NEIL3: variants seen among roughly 807,000 people sequenced by gnomAD.
NEIL3 encodes endonuclease 8-like 3.
Under a neutral mutation model 57.5 loss-of-function variants are expected in NEIL3, and 48 were observed. The observed-to-expected ratio is 0.83, with a 90% CI of 0.66 to 1.06. The LOEUF is 1.06. Ranked by LOEUF, NEIL3 falls within the 50% of genes least tolerant of loss-of-function variation. The pLI is 0.00. For synonymous variants in NEIL3, 261 were observed against 253.2 expected (o/e 1.03, Z -0.29); for missense variants, 717 against 739.1 (o/e 0.97, Z 0.35).
rs147768614 is a variant in NEIL3 at position 177,352,022 on chromosome 4, G to A, written c.1039+473G>A. 7.9e-5 allele frequency among the ~76,000 whole-genome samples: 12 copies of A among 152,228 alleles called. No homozygotes were observed. In the East Asian group the frequency reaches 2.1e-3, roughly 27 times the overall value. On this transcript the variant is annotated intron_variant, in intron 7 of 9. Transcript: ENST00000264596. The stretch of plus-strand genomic sequence containing the variant: ...TATTAAAATCTGTATCCAGACAATT[G>A]TACTGATTTCATTGAAACCCTTCAA...
chr4:177,354,936 GT>G (rs200179047), intron 8 of NEIL3, among the ~76,000 whole-genome samples: 4,164 of 152,268 alleles, frequency 0.027, 171 homozygotes, highest in African/African-American at 0.093. Flanking sequence ...TTTGTCACCT[GT>G]GATACAGAAA....
intron 1 of NEIL3, among the ~76,000 whole-genome samples, chr4:177,312,919 T>C (rs1734503619): frequency 6.6e-6 from 1 of 152,198 alleles, no homozygotes; most frequent in Non-Finnish European, 1.5e-5. Context: ...TTTTGCATTT[T>C]AGAGGGATCC....
intron 2 of NEIL3, among the ~76,000 whole-genome samples, chr4:177,334,906 A>G (rs889380626): frequency 6.6e-6 from 1 of 152,206 alleles, no homozygotes; most frequent in African/African-American, 2.4e-5. Flanking sequence ...GTCTTACAGA[A>G]CTACTTTTTT....
intron 2 of NEIL3, among the ~76,000 whole-genome samples, chr4:177,325,797 C>G (rs542065854): frequency 6.6e-6 from 1 of 152,152 alleles, no homozygotes; most frequent in African/African-American, 2.4e-5. Flanking sequence ...TTTCTTCTCC[C>G]TACTAACTAA....
chr4:177,325,602 G>A (rs1314268322), intron 2 of NEIL3, among the ~76,000 whole-genome samples: 1 of 152,008 alleles, frequency 6.6e-6, no homozygotes, highest in African/African-American at 2.4e-5. Context: ...CATTTGGTAA[G>A]CATATGTTTG....
intron 8 of NEIL3, among the ~76,000 whole-genome samples, chr4:177,358,318 G>GTT (rs201169217): frequency 1.3e-5 from 2 of 151,602 alleles, no homozygotes; most frequent in South Asian, 2.1e-4. Context: ...TTTGTTTTTT[G>GTT]TTTTTTTTGA....
At position 177,351,388 on chromosome 4, in the gene NEIL3, C is replaced by T. The variant is rs755292797; in HGVS notation, c.878C>T (p.Pro293Leu). The T allele has an allele frequency of 4.2e-5, 67 of 1,604,432 alleles. No homozygotes were observed. Among genetic ancestry groups the T allele is most frequent in the Admixed American group, 2.9e-4 (17 of 58,134 alleles). Reference protein sequence around the residue: ...NPQHVDICKLPTRNTIISWTS... With the variant: ...NPQHVDICKLLTRNTIISWTS... ...TAAAAATTATCTTATAGCAAGCTAC[C>T]GACTAGAAATACTATAATCAGTTGG... The change falls in exon 7 of 10, where the codon CCG becomes CTG. Residue 293 changes from proline (P) to leucine (L), a missense_variant. Transcript: ENST00000264596.
At chr4:177,370,136 T>C in the NEIL3 span, among the ~76,000 whole-genome samples, 1 of 152,142 alleles carries the variant, frequency 6.6e-6, no homozygotes, top group Admixed American at 6.5e-5. Flanking sequence ...AGTATTATGG[T>C]TCCAATGAGA....
intron 4 of NEIL3, among the ~76,000 whole-genome samples, chr4:177,336,954 T>A (rs892034380): frequency 3.3e-5 from 5 of 152,152 alleles, no homozygotes; most frequent in African/African-American, 1.2e-4. Flanking sequence ...AAGCAAAATG[T>A]AGAGCCCTTG....
At chr4:177,352,563 G>T (rs990426586) in intron 7 of NEIL3, among the ~76,000 whole-genome samples, 1 of 152,144 alleles carries the variant, frequency 6.6e-6, no homozygotes, top group African/African-American at 2.4e-5. Flanking sequence ...AGTCGCGGTG[G>T]CTCACACTTG....
intron 6 of NEIL3, among the ~76,000 whole-genome samples, chr4:177,342,440 T>C (rs1412640155): frequency 3.3e-5 from 5 of 152,198 alleles, no homozygotes; most frequent in African/African-American, 9.6e-5. Flanking sequence ...TAGCAGTATA[T>C]GTGATTATAA....
chr4:177,350,897 A>AG (rs34832361), intron 6 of NEIL3, among the ~76,000 whole-genome samples: 3 of 151,998 alleles, frequency 2.0e-5, no homozygotes, highest in Admixed American at 6.6e-5. Context: ...TAGTTGTTAA[A>AG]GGGGGGTCCA....
chr4:177,350,749 AG>A (rs1735332075), intron 6 of NEIL3, among the ~76,000 whole-genome samples: 1 of 152,182 alleles, frequency 6.6e-6, no homozygotes, highest in South Asian at 2.1e-4. Flanking sequence ...TTGGGAAAAA[AG>A]TACCAATTAC....
chr4:177,367,230 C>A (rs1735703734), downstream of NEIL3, among the ~76,000 whole-genome samples: 1 of 151,910 alleles, frequency 6.6e-6, no homozygotes, highest in Non-Finnish European at 1.5e-5. Context: ...CATCATACCT[C>A]GGATGTTTCA....
intron 8 of NEIL3, among the ~76,000 whole-genome samples, chr4:177,359,963 C>T (rs575686876): frequency 6.7e-4 from 102 of 152,298 alleles, no homozygotes; most frequent in Non-Finnish European, 1.3e-3. Context: ...AATATGATTG[C>T]GACTATTATA....
intron 1 of NEIL3, among the ~76,000 whole-genome samples, chr4:177,321,831 T>G (rs935475797): frequency 6.6e-6 from 1 of 151,438 alleles, no homozygotes; most frequent in African/African-American, 2.4e-5. Flanking sequence ...GATGTGAAAA[T>G]TGAAGCTCTC....
At chr4:177,333,228 T>C (rs894819463) in intron 2 of NEIL3, among the ~76,000 whole-genome samples, 3 of 152,210 alleles carry the variant, frequency 2.0e-5, no homozygotes, top group African/African-American at 4.8e-5. Flanking sequence ...GTGACAGTAC[T>C]GCTTTGTTTA....
At chr4:177,345,783 A>G (rs902045086) in intron 6 of NEIL3, among the ~76,000 whole-genome samples, 1 of 143,426 alleles carries the variant, frequency 7.0e-6, no homozygotes, top group African/African-American at 2.6e-5. Context: ...TCCACTTCCT[A>G]GGTTCAAATG....
intron 6 of NEIL3, among the ~76,000 whole-genome samples, chr4:177,346,641 C>T (rs1474537041): frequency 1.3e-5 from 2 of 152,130 alleles, no homozygotes; most frequent in Non-Finnish European, 1.5e-5. Flanking sequence ...CCAGTGATGG[C>T]GAATACTACC....
Sources: gnomAD v4.1 joint callset for allele counts (sites outside exome capture counted in the v4.1 genomes callset) on GRCh38, gnomAD v4.1.1 for gene constraint, MANE v1.5 for transcripts, NCBI Gene and HGNC (gene_info 2026-07-23, HGNC 2026-07-21) for gene names.